SMAD2: variants seen among roughly 807,000 people sequenced by gnomAD.
The protein encoded by SMAD2 is SMAD family member 2.
A neutral mutation model predicts 64.4 loss-of-function variants in SMAD2; 8 were observed. That is an observed-to-expected ratio of 0.12 (90% CI 0.07 to 0.22). SMAD2 has a LOEUF of 0.22. Among genes scored for constraint, SMAD2 ranks in the 10% least tolerant of loss-of-function variants. The probability of loss-of-function intolerance (pLI) is 1.00; values close to 1 mark genes in which losing one functional copy is unlikely to be tolerated. For missense variants in SMAD2, 289 were observed against 561.2 expected (o/e 0.51, Z 4.90); for synonymous variants, 203 against 195.8 (o/e 1.04, Z -0.31).
At chr18:47,845,212 T>C in intron 10 of SMAD2, 128 bp downstream of exon 10, 1 of 1,003,540 alleles carries the variant, frequency 1.0e-6, no homozygotes, top group South Asian at 1.3e-5. Flanking sequence ...CCAACTTTAT[T>C]TTACATAAAG....
rs144525282 is a variant in SMAD2 at position 47,874,224 on chromosome 18, A to C, written c.237-3660T>G. Reference sequence around the variant, plus strand: ...TAAAATGTATATGGAAATACTAAGGATCTTGAATAGCAAAACAATCTTGAA... The same window carrying C: ...TAAAATGTATATGGAAATACTAAGGCTCTTGAATAGCAAAACAATCTTGAA... On this transcript the variant is annotated intron_variant, in intron 2 of 10. Transcript: ENST00000262160. Among the ~76,000 whole-genome samples the C allele has an allele frequency of 7.3e-3, 1,116 of 152,288 alleles. 9 individuals carry two copies. The highest frequency in any genetic ancestry group is 0.025 in the African/African-American group (1,051 of 41,564).
In SMAD2 at chr18:47,902,069, G is replaced by A. The variant is rs370572726; in HGVS notation, c.-53-5260C>T. Among the ~76,000 whole-genome samples, 216 of 151,906 alleles carry A rather than the reference G, an allele frequency of 1.4e-3. 1 individual carries two copies. Among genetic ancestry groups the A allele is most frequent in the African/African-American group, 4.0e-3 (167 of 41,404 alleles). ...TCTGAGATTTTGGTTTATCTCTTCCGCCCAGCTGAACTACAGAATTTAGGA... is the reference window on the plus strand; with the variant it reads ...TCTGAGATTTTGGTTTATCTCTTCCACCCAGCTGAACTACAGAATTTAGGA... On this transcript the variant is annotated intron_variant, in intron 1 of 10. Coordinates refer to ENST00000262160, the MANE Select transcript of SMAD2 (RefSeq NM_005901.6).
intron 2 of SMAD2, among the ~76,000 whole-genome samples, chr18:47,885,162 C>T (rs868195069): frequency 3.4e-5 from 5 of 145,562 alleles, no homozygotes; most frequent in African/African-American, 1.1e-4. Flanking sequence ...CACACACACA[C>T]ACACACACAC....
chr18:47,854,507 G>GT (rs2030475285), intron 6 of SMAD2, among the ~76,000 whole-genome samples: 1 of 152,110 alleles, frequency 6.6e-6, no homozygotes, highest in Admixed American at 6.5e-5. Flanking sequence ...TTAATTTCTT[G>GT]TTTTTGTTGT....
At chr18:47,906,385 C>A (rs1182953939) in intron 1 of SMAD2, among the ~76,000 whole-genome samples, 2 of 152,088 alleles carry the variant, frequency 1.3e-5, no homozygotes, top group Non-Finnish European at 2.9e-5. Flanking sequence ...AAAAATCACA[C>A]AAAAAGGTAA....
rs969292923 is a variant in SMAD2, at chr18:47,833,603, G to A, written c.*8224C>T. 4 of 230,676 alleles carry A rather than the reference G, an allele frequency of 1.7e-5. No individual in the cohort carries two copies. Among genetic ancestry groups the A allele is most frequent in the Non-Finnish European group, 3.4e-5 (4 of 116,420 alleles). 14.3% of individuals were successfully genotyped at this position (230,676 alleles called of 1,614,324 possible). The stretch of plus-strand genomic sequence containing the variant: ...TCAGAGAAAAAAAATCTCACCTCAC[G>A]TGCTCAATGTTCTAGCTGGTAAGCA... On this transcript the variant is annotated 3_prime_UTR_variant, in exon 11 of 11. Transcript: ENST00000262160.
intron 2 of SMAD2, among the ~76,000 whole-genome samples, chr18:47,882,040 G>GA (rs1568078973): frequency 2.7e-5 from 1 of 37,326 alleles, no homozygotes; most frequent in Non-Finnish European, 5.6e-5. Context: ...ACCACGCTTG[G>GA]CTTTTTTTTT....
At position 47,841,431 on chromosome 18, in the gene SMAD2, A is replaced by C. The variant is rs192433123; in HGVS notation, c.*396T>G. The C allele has an allele frequency of 1.6e-4, 46 of 289,990 alleles. 2 individuals carry two copies. Among genetic ancestry groups the C allele is most frequent in the Admixed American group, 1.6e-3 (34 of 21,914 alleles). The allele number at this position is 289,990 out of a possible 1,614,324, so 18.0% of individuals were successfully genotyped here. A position where few individuals can be genotyped will look rare whatever the true frequency, so the allele number is the denominator to read the frequency against. ...TTTATAAAGGTTTGCCTAGATCAAG[A>C]AGCAGCGCACACACACACCTCATCT... On this transcript the variant is annotated 3_prime_UTR_variant, in exon 11 of 11. Transcript: ENST00000262160.
intron 1 of SMAD2, among the ~76,000 whole-genome samples, chr18:47,921,857 T>G (rs2034574015): frequency 1.3e-5 from 2 of 152,236 alleles, no homozygotes; most frequent in African/African-American, 4.8e-5. Context: ...TTATATTTTA[T>G]CCAACATTTT....
chr18:47,924,066 T>C (rs1450621526), intron 1 of SMAD2, among the ~76,000 whole-genome samples: 1 of 151,898 alleles, frequency 6.6e-6, no homozygotes, highest in Non-Finnish European at 1.5e-5. Context: ...CTGACCAACA[T>C]GGTGAAACCC....
In SMAD2 at chr18:47,840,366, A is replaced by G. The variant is rs748555931; in HGVS notation, c.*1461T>C. ...ACTGCAATGAGTCAACATCAGACAT[A>G]ATAATTATTTGCTGCAGAATGAACT... On this transcript the variant is annotated 3_prime_UTR_variant, in exon 11 of 11. Coordinates refer to ENST00000262160, the MANE Select transcript of SMAD2 (RefSeq NM_005901.6). 4.3e-6 allele frequency: 1 copy of G among 232,780 alleles called. No homozygotes were observed. Among genetic ancestry groups the G allele is most frequent in the Admixed American group, 5.6e-5 (1 of 17,774 alleles). 14.4% of individuals were successfully genotyped at this position (232,780 alleles called of 1,614,324 possible).
Position 47,814,874 on chromosome 18 carries a change from G to A in SMAD2, c.*26953C>T, listed in dbSNP as rs913188638. The A allele has an allele frequency of 6.6e-6, 1 of 152,326 alleles. No individual in the cohort carries two copies. Among genetic ancestry groups the A allele is most frequent in the Non-Finnish European group, 1.5e-5 (1 of 68,166 alleles). The allele number at this position is 152,326 out of a possible 1,614,324, so 9.4% of individuals were successfully genotyped here. ...CAGCAGATTAACAGTCCCATAGTTG[G>A]GACATGGAAGCTATTAAGGTAGAGA... On this transcript the variant is annotated 3_prime_UTR_variant, in exon 11 of 11. Coordinates refer to ENST00000262160, the MANE Select transcript of SMAD2 (RefSeq NM_005901.6).
rs1598734300 is a variant in SMAD2, at chr18:47,836,865, A to G, written c.*4962T>C. Reference sequence around the variant, plus strand: ...ATAATTTGCCCCTCAATCCCTACAAAGTGTAGTCTAAACAAACAAAATGGT... The same window carrying G: ...ATAATTTGCCCCTCAATCCCTACAAGGTGTAGTCTAAACAAACAAAATGGT... On this transcript the variant is annotated 3_prime_UTR_variant, in exon 11 of 11. Transcript: ENST00000262160. 4.7e-6 allele frequency: 1 copy of G among 211,766 alleles called. No individual in the cohort carries two copies. The highest frequency in any genetic ancestry group is 7.1e-5 in the East Asian group (1 of 14,162). The allele number at this position is 211,766 out of a possible 1,614,324, so 13.1% of individuals were successfully genotyped here.
At chr18:47,918,519 T>C (rs1598895095) in intron 1 of SMAD2, among the ~76,000 whole-genome samples, 2 of 152,366 alleles carry the variant, frequency 1.3e-5, no homozygotes, top group Middle Eastern at 6.8e-3. Context: ...TGTTGAGTTT[T>C]TGATCAGCTT....
At chr18:47,850,266 ATATAT>A (rs1915056255) in intron 7 of SMAD2, among the ~76,000 whole-genome samples, 3 of 75,640 alleles carry the variant, frequency 4.0e-5, no homozygotes, top group Admixed American at 2.6e-4. Context: ...TATGTATAAT[ATATAT>A]TATATATTAT....
At chr18:47,849,364 T>C (rs1436487802) in intron 7 of SMAD2, among the ~76,000 whole-genome samples, 2 of 151,842 alleles carry the variant, frequency 1.3e-5, no homozygotes, top group African/African-American at 4.8e-5. Flanking sequence ...TCATAAGGAA[T>C]ACTGCAAAAG....
chr18:47,908,755 G>A (rs1482644624), intron 1 of SMAD2, among the ~76,000 whole-genome samples: 2 of 152,180 alleles, frequency 1.3e-5, no homozygotes. Context: ...AGTGTTGCGA[G>A]TATCCACTGT....
At chr18:47,897,569 A>G (rs1333415566) in intron 1 of SMAD2, among the ~76,000 whole-genome samples, 1 of 152,184 alleles carries the variant, frequency 6.6e-6, no homozygotes, top group Non-Finnish European at 1.5e-5. Flanking sequence ...AACTAACCAC[A>G]TTCCCACCTT....
At chr18:47,888,652 G>A (rs767738353) in intron 2 of SMAD2, among the ~76,000 whole-genome samples, 2 of 152,130 alleles carry the variant, frequency 1.3e-5, no homozygotes, top group African/African-American at 4.8e-5. Flanking sequence ...CAGCTCAATC[G>A]CTAATTAGAT....
Sources: allele counts gnomAD v4.1 joint callset (sites outside exome capture counted in the v4.1 genomes callset), GRCh38; gene constraint gnomAD v4.1.1; transcripts MANE v1.5; gene names NCBI Gene and HGNC (gene_info 2026-07-23, HGNC 2026-07-21).